The following SEC24D variants were observed in gnomAD, a reference collection of about 807,000 sequenced individuals.
SEC24D encodes SEC24 homolog D, COPII component, also known as protein transport protein Sec24D.
SEC24D carries 69 observed loss-of-function variants against 116.9 expected under a neutral mutation model. The ratio of observed to expected loss-of-function variants is 0.59; its 90% CI spans 0.49 to 0.72. The LOEUF is 0.72. SEC24D is among the 30% of genes least tolerant of loss of function. The pLI, the probability that SEC24D is intolerant of heterozygous loss-of-function variation, is 0.00. For missense variants in SEC24D, 1,131 were observed against 1,264.1 expected, an observed-to-expected ratio of 0.89 and a Z score of 1.60; for synonymous variants, 405 against 442.8, an observed-to-expected ratio of 0.91 and a Z score of 1.07.
chr4:118,757,433 C>A (rs944350515), intron 11 of SEC24D, among the ~76,000 whole-genome samples: 12 of 152,186 alleles, frequency 7.9e-5, no homozygotes, highest in Non-Finnish European at 1.5e-4. Context: ...AATAACACAT[C>A]CAAAGTCTTT....
chr4:118,806,713 A>G (rs1729694122), intron 6 of SEC24D, among the ~76,000 whole-genome samples: 2 of 152,094 alleles, frequency 1.3e-5, no homozygotes, highest in African/African-American at 4.8e-5. Context: ...GCCTGGCACA[A>G]TGGCTCATGT....
At chr4:118,826,250 T>A (rs1414219436) in intron 2 of SEC24D, among the ~76,000 whole-genome samples, 1 of 152,152 alleles carries the variant, frequency 6.6e-6, no homozygotes, top group African/African-American at 2.4e-5. Flanking sequence ...AGACTTGCAG[T>A]CACAGACAAG....
At chr4:118,824,085 T>C (rs1434186364) in intron 3 of SEC24D, among the ~76,000 whole-genome samples, 2 of 152,220 alleles carry the variant, frequency 1.3e-5, no homozygotes, top group Admixed American at 6.5e-5. Flanking sequence ...ATGTATGGTA[T>C]TGACACAAGT....
Position 118,816,362 on chromosome 4 carries a change from A to C in SEC24D, c.398-636T>G, listed in dbSNP as rs149714106. ...CATCTGTATCTGGTACAAATCTAGAAAATCATATAAAAATTCTATTACATA... is the reference window on the plus strand; with the variant it reads ...CATCTGTATCTGGTACAAATCTAGACAATCATATAAAAATTCTATTACATA... On this transcript the variant is annotated intron_variant, in intron 4 of 22. Coordinates refer to ENST00000280551, the MANE Select transcript of SEC24D (RefSeq NM_014822.4). 1.9e-3 allele frequency among the ~76,000 whole-genome samples: 283 copies of C among 152,320 alleles called. 2 individuals carry two copies. The highest frequency in any genetic ancestry group is 6.5e-3 in the African/African-American group (272 of 41,564).
chr4:118,777,104 T>TTTATTTAC (rs1420310765), intron 8 of SEC24D, among the ~76,000 whole-genome samples: 2 of 151,290 alleles, frequency 1.3e-5, no homozygotes, highest in Admixed American at 6.6e-5. Flanking sequence ...TATTTATTTA[T>TTTATTTAC]TTATTTATTT....
intron 7 of SEC24D, among the ~76,000 whole-genome samples, chr4:118,799,508 T>C (rs1303174379): frequency 6.6e-6 from 1 of 152,144 alleles, no homozygotes; most frequent in African/African-American, 2.4e-5. Context: ...TCTTAGCATA[T>C]AGATGGTATT....
intron 7 of SEC24D, among the ~76,000 whole-genome samples, chr4:118,802,137 G>C (rs1388945102): frequency 1.3e-5 from 2 of 152,060 alleles, no homozygotes; most frequent in African/African-American, 4.8e-5. Context: ...ACAGAAGAAG[G>C]GAGACAATGA....
chr4:118,733,970 C>T (rs1274422820), intron 19 of SEC24D, among the ~76,000 whole-genome samples: 1 of 151,790 alleles, frequency 6.6e-6, no homozygotes, highest in African/African-American at 2.4e-5. Context: ...TCTAGGAACA[C>T]AACCTGATGA....
intron 8 of SEC24D, among the ~76,000 whole-genome samples, chr4:118,783,091 T>G (rs180870755): frequency 6.6e-6 from 1 of 152,218 alleles, no homozygotes; most frequent in Non-Finnish European, 1.5e-5. Context: ...CTGCTTTGGC[T>G]CACCCTCTGT....
intron 21 of SEC24D, chr4:118,730,772 G>A (rs1725641058): frequency 6.5e-6 from 1 of 152,932 alleles, no homozygotes; most frequent in South Asian, 2.1e-4. Flanking sequence ...GGGGTGTATA[G>A]TCTCTTTTTA....
intron 3 of SEC24D, among the ~76,000 whole-genome samples, chr4:118,822,539 TA>T (rs1489416772): frequency 2.0e-5 from 3 of 152,208 alleles, no homozygotes; most frequent in Non-Finnish European, 4.4e-5. Flanking sequence ...TCTTTCTTTT[TA>T]AAAAAAATAT....
intron 22 of SEC24D, among the ~76,000 whole-genome samples, chr4:118,724,828 C>T (rs1023442940): frequency 1.3e-5 from 2 of 152,164 alleles, no homozygotes; most frequent in Non-Finnish European, 2.9e-5. Flanking sequence ...ACAACAATGC[C>T]TCTCCACCTG....
chr4:118,780,785 T>G (rs1469448576), intron 8 of SEC24D, among the ~76,000 whole-genome samples: 1 of 152,194 alleles, frequency 6.6e-6, no homozygotes, highest in East Asian at 1.9e-4. Context: ...GATGCATATA[T>G]ATTTAGGATA....
intron 9 of SEC24D, among the ~76,000 whole-genome samples, chr4:118,765,221 T>C (rs551303023): frequency 6.6e-6 from 1 of 152,326 alleles, no homozygotes; most frequent in African/African-American, 2.4e-5. Flanking sequence ...TGTCCCCATT[T>C]TATTACCTCT....
Position 118,737,685 on chromosome 4 carries a change from G to C in SEC24D, c.2496+576C>G, listed in dbSNP as rs76616336. On this transcript the variant is annotated intron_variant, in intron 19 of 22. Transcript: ENST00000280551. ...AATGCAAAATAAATGTGGACTTGAG[G>C]TTCTGCTTTTCCTTTTATAGGAGAG... Among the ~76,000 whole-genome samples, 632 of 152,174 alleles carry C rather than the reference G, an allele frequency of 4.2e-3. 4 individuals are homozygous for C. The highest frequency in any genetic ancestry group is 0.015 in the African/African-American group (607 of 41,522).
chr4:118,736,994 A>G (rs1361891626), intron 19 of SEC24D, among the ~76,000 whole-genome samples: 4 of 152,238 alleles, frequency 2.6e-5, no homozygotes, highest in African/African-American at 9.6e-5. Context: ...GTTGTTTCAA[A>G]GTTAACAAAT....
At chr4:118,823,234 C>CAATCACGCTTT (rs1730468596) in intron 3 of SEC24D, among the ~76,000 whole-genome samples, 1 of 152,190 alleles carries the variant, frequency 6.6e-6, no homozygotes, top group African/African-American at 2.4e-5. Flanking sequence ...GCTTAAACCA[C>CAATCACGCTTT]AATCACGCTT....
chr4:118,763,121 G>A (rs1727466902), intron 10 of SEC24D, among the ~76,000 whole-genome samples: 1 of 152,124 alleles, frequency 6.6e-6, no homozygotes, highest in Admixed American at 6.6e-5. Context: ...CAGCAGTTAG[G>A]AACAACTAAA....
chr4:118,765,128 A>T (rs1727582708), intron 9 of SEC24D, among the ~76,000 whole-genome samples: 2 of 152,212 alleles, frequency 1.3e-5, no homozygotes, highest in Admixed American at 1.3e-4. Flanking sequence ...TTGATGACAA[A>T]GAACATTTAT....
Sources: allele counts gnomAD v4.1 joint callset (sites outside exome capture counted in the v4.1 genomes callset), GRCh38; gene constraint gnomAD v4.1.1; transcripts MANE v1.5; gene names NCBI Gene and HGNC (gene_info 2026-07-23, HGNC 2026-07-21).